HGSNAT: variants seen among roughly 807,000 people sequenced by gnomAD.
HGSNAT encodes the protein heparan-alpha-glucosaminide N-acetyltransferase.
HGSNAT carries 59 observed loss-of-function variants against 85.2 expected under a neutral mutation model. The ratio of observed to expected loss-of-function variants is 0.69; its 90% CI spans 0.56 to 0.86. The LOEUF (loss-of-function observed/expected upper bound fraction) is 0.86. HGSNAT is among the 40% of genes least tolerant of loss of function. The pLI is 0.00. For missense variants in HGSNAT, 756 were observed against 777.1 expected (o/e 0.97, Z 0.32); for synonymous variants, 321 against 304.5 (o/e 1.05, Z -0.56).
At chr8:43,185,551 G>T (rs1182418329) in intron 11 of HGSNAT, among the ~76,000 whole-genome samples, 1 of 152,176 alleles carries the variant, frequency 6.6e-6, no homozygotes, top group African/African-American at 2.4e-5. Context: ...AGATGATGGG[G>T]TTTTCTAAAT....
rs1466113681 is a variant in HGSNAT, at chr8:43,201,965, T to G, written c.*2396T>G. The G allele has an allele frequency of 1.3e-5, 2 of 152,284 alleles. No homozygotes were observed. The highest frequency in any genetic ancestry group is 2.9e-5 in the Non-Finnish European group (2 of 68,084). The allele number at this position is 152,284 out of a possible 1,614,324, so 9.4% of individuals were successfully genotyped here. A position where few individuals can be genotyped will look rare whatever the true frequency, so the allele number is the denominator to read the frequency against. On this transcript the variant is annotated 3_prime_UTR_variant, in exon 18 of 18. Coordinates refer to ENST00000379644, the MANE Select transcript of HGSNAT (RefSeq NM_152419.3). This position sits in a 1 kb window ranked among gnomAD's most constrained non-coding sequence, Gnocchi z 4.4. ...CCACCCTTTTCTTTCAGTGAGTCAC[T>G]GTGGATGGTCCCAGCTGTGTCATCC... is the stretch of plus-strand genomic sequence containing the variant.
At chr8:43,186,602 A>C (rs982600144) in intron 11 of HGSNAT, among the ~76,000 whole-genome samples, 1 of 151,978 alleles carries the variant, frequency 6.6e-6, no homozygotes, top group Non-Finnish European at 1.5e-5. Flanking sequence ...TCCTGGATTC[A>C]TTGATTTTTT....
intron 2 of HGSNAT, among the ~76,000 whole-genome samples, chr8:43,149,780 A>G (rs747542767): frequency 2.0e-5 from 3 of 152,126 alleles, no homozygotes; most frequent in Non-Finnish European, 2.9e-5. Context: ...TGCAAATTAT[A>G]ATAACTTCAT....
chr8:43,140,783 G>A (rs773469555), intron 1 of HGSNAT, among the ~76,000 whole-genome samples, 169 bp downstream of exon 1: 42 of 152,146 alleles, frequency 2.8e-4, no homozygotes, highest in Non-Finnish European at 5.4e-4. Context: ...CAGACCGGAG[G>A]CCGGACTTCG....
At chr8:43,142,601 C>T (rs59037494) in intron 1 of HGSNAT, among the ~76,000 whole-genome samples, 12,181 of 152,144 alleles carry the variant, frequency 0.08, 712 homozygotes, top group East Asian at 0.22. Flanking sequence ...GCTGCACACT[C>T]GAATCCCTTT....
At chr8:43,171,478 A>G (rs928099892) in intron 7 of HGSNAT, among the ~76,000 whole-genome samples, 3 of 152,192 alleles carry the variant, frequency 2.0e-5, no homozygotes, top group Non-Finnish European at 2.9e-5. Flanking sequence ...AATGTGCCTG[A>G]TTCACATTAA....
At chr8:43,182,076 AAAT>A in intron 10 of HGSNAT, 66 bp from the exon 11 acceptor site, 1 of 1,203,036 alleles carries the variant, frequency 8.3e-7, no homozygotes. Flanking sequence ...TTTAGGAAAC[AAAT>A]AATGTTGTCC....
intron 5 of HGSNAT, among the ~76,000 whole-genome samples, chr8:43,164,632 T>C (rs1803373292): frequency 6.6e-6 from 1 of 151,784 alleles, no homozygotes; most frequent in Non-Finnish European, 1.5e-5. Flanking sequence ...AATAGAAAAA[T>C]TAGCTGGGCG....
At chr8:43,161,977 G>T (rs1357851314) in intron 5 of HGSNAT, among the ~76,000 whole-genome samples, 2 of 152,228 alleles carry the variant, frequency 1.3e-5, no homozygotes, top group African/African-American at 4.8e-5. Context: ...ACCTCGCACG[G>T]ACTCCCTGTC....
chr8:43,151,684 G>A (rs151105914), intron 2 of HGSNAT, among the ~76,000 whole-genome samples: 12 of 152,182 alleles, frequency 7.9e-5, no homozygotes, highest in Admixed American at 1.3e-4. Flanking sequence ...CGAGCATTTC[G>A]TTGAAAATCT....
chr8:43,178,251 T>G lies in HGSNAT; in HGVS notation c.1012+17T>G. ...TTGGTCCATGTAAGTACTTTTTCCC[T>G]CTGTTATATATATTCAGGTTGAAAT... On this transcript the variant is annotated intron_variant, in intron 10 of 17. Transcript: ENST00000379644. 6.7e-7 allele frequency: 1 copy of G among 1,495,800 alleles called. No individual in the cohort carries two copies. The highest frequency in any genetic ancestry group is 1.8e-4 in the Middle Eastern group (1 of 5,564). The allele number at this position is 1,495,800 out of a possible 1,614,324, so 92.7% of individuals were successfully genotyped here.
chr8:43,162,734 T>A (rs977239118), intron 5 of HGSNAT, among the ~76,000 whole-genome samples: 186 of 151,806 alleles, frequency 1.2e-3, no homozygotes, highest in Non-Finnish European at 2.2e-3. Context: ...TTTTTTTTTT[T>A]AATTTTTGTA....
chr8:43,184,523 A>T (rs910018820), intron 11 of HGSNAT, among the ~76,000 whole-genome samples: 6 of 152,108 alleles, frequency 3.9e-5, no homozygotes, highest in Admixed American at 6.5e-5. Context: ...TTCTTTGTAG[A>T]TTCTGGATAT....
At chr8:43,159,667 A>G (rs903382496) in intron 4 of HGSNAT, among the ~76,000 whole-genome samples, 2 of 152,214 alleles carry the variant, frequency 1.3e-5, no homozygotes, top group Non-Finnish European at 2.9e-5. Flanking sequence ...AAAAATGTTA[A>G]TGCAGTGGAA....
intron 5 of HGSNAT, among the ~76,000 whole-genome samples, chr8:43,163,286 T>C (rs1361385031): frequency 1.3e-5 from 2 of 152,172 alleles, no homozygotes; most frequent in Non-Finnish European, 2.9e-5. Context: ...CACATGATGC[T>C]GCCCTTCCAG....
rs887975067 is a variant in HGSNAT, at chr8:43,197,734, A to G, written c.1605A>G (p.Lys535=). The G allele has an allele frequency of 6.2e-7, 1 of 1,612,658 alleles. No individual in the cohort carries two copies. The highest frequency in any genetic ancestry group is 1.3e-5 in the African/African-American group (1 of 74,894). Reference sequence around the variant, plus strand: ...ATGAAGGCTTTATTCCAGTAAACAAAAATCTCTGGTATGTATGGAAAAAGC... The same window carrying G: ...ATGAAGGCTTTATTCCAGTAAACAAGAATCTCTGGTATGTATGGAAAAAGC... ...SENEGFIPVN[K]NLWSLSYVTT... The change falls in exon 16 of 18, where the codon AAA becomes AAG. Residue 535 remains lysine, a synonymous_variant. Transcript: ENST00000379644.
intron 9 of HGSNAT, among the ~76,000 whole-genome samples, chr8:43,175,921 A>G (rs1259627800): frequency 1.3e-5 from 2 of 150,918 alleles, no homozygotes; most frequent in Non-Finnish European, 3.0e-5. Flanking sequence ...GAGTTGTTTG[A>G]GCTCCTTATA....
chr8:43,195,604 AGAAG>A (rs1182714413), intron 14 of HGSNAT, among the ~76,000 whole-genome samples: 1 of 136,686 alleles, frequency 7.3e-6, no homozygotes, highest in Non-Finnish European at 1.6e-5. Flanking sequence ...GAGGAAGAAG[AGAAG>A]GAGGGTGTGG....
chr8:43,146,168 T>A (rs544163848), intron 1 of HGSNAT, among the ~76,000 whole-genome samples: 1 of 152,300 alleles, frequency 6.6e-6, no homozygotes, highest in South Asian at 2.1e-4. Flanking sequence ...CAGGATTCAC[T>A]GCTCCCAATC....
Sources: gnomAD v4.1 joint callset for allele counts (sites outside exome capture counted in the v4.1 genomes callset) on GRCh38, gnomAD v4.1.1 for gene constraint, Gnocchi (gnomAD v3.1) non-coding constraint, MANE v1.5 for transcripts, NCBI Gene and HGNC (gene_info 2026-07-23, HGNC 2026-07-21) for gene names.